AREL1: variants seen among roughly 807,000 people sequenced by gnomAD.
AREL1 encodes apoptosis-resistant E3 ubiquitin protein ligase 1.
Under a neutral mutation model 99.0 loss-of-function variants are expected in AREL1, and 62 were observed. The observed-to-expected ratio is 0.63, with a 90% CI of 0.51 to 0.77. The LOEUF is 0.77. AREL1 is among the 30% of genes least tolerant of loss of function. The pLI is 0.00. For synonymous variants in AREL1, 380 were observed against 376.5 expected (o/e 1.01, Z -0.11); for missense variants, 879 against 1,027.6 (o/e 0.86, Z 1.98).
At chr14:74,669,869 T>C in intron 14 of AREL1, 78 bp downstream of exon 14, 1 of 1,580,730 alleles carries the variant, frequency 6.3e-7, no homozygotes, top group Non-Finnish European at 8.6e-7. Context: ...CCTTAAAAAT[T>C]ATTTACAAGC....
rs769198582 is a variant in AREL1 at position 74,683,492 on chromosome 14, A to G, written c.285T>C (p.Pro95=). Residue 95 remains proline, a synonymous_variant, in exon 5 of 20, where the codon CCT becomes CCC. Coordinates refer to ENST00000356357, the MANE Select transcript of AREL1 (RefSeq NM_001039479.2). ...GAGAGATGTGAACTCTTAGTCCCAC[A>G]GGCCGATGTGCAGGGAAAGGCTGCC... is the stretch of plus-strand genomic sequence containing the variant. ...KNGQPFPAHR[P]VGLRVHISHV... The G allele has an allele frequency of 1.9e-6, 3 of 1,614,174 alleles. No individual in the cohort carries two copies. Among genetic ancestry groups the G allele is most frequent in the Non-Finnish European group, 2.5e-6 (3 of 1,180,026 alleles).
chr14:74,672,885 T>C lies in AREL1; in HGVS notation c.1368A>G (p.Lys456=). The change falls in exon 11 of 20, where the codon AAA becomes AAG. Residue 456 remains lysine, a synonymous_variant. Coordinates refer to ENST00000356357, the MANE Select transcript of AREL1 (RefSeq NM_001039479.2). ...FQRELRQVHM[K]RPHSKVTLKV... ...TCAGGGTGACTTTGGAATGTGGTCT[T>C]TTCATATGTACCTGCCGAAGCTCTC... 2 of 1,614,224 alleles carry C rather than the reference T, an allele frequency of 1.2e-6. No homozygotes were observed. The highest frequency in any genetic ancestry group is 1.7e-6 in the Non-Finnish European group (2 of 1,180,034).
intron 11 of AREL1, among the ~76,000 whole-genome samples, chr14:74,671,756 A>G (rs1367738589): frequency 2.0e-5 from 3 of 152,174 alleles, no homozygotes; most frequent in African/African-American, 7.2e-5. Context: ...TTTGTTTTAA[A>G]CAATCCTTGT....
chr14:74,670,681 T>C, intron 13 of AREL1, 81 bp downstream of exon 13: 1 of 1,194,186 alleles, frequency 8.4e-7, no homozygotes, highest in Admixed American at 1.9e-5. Flanking sequence ...GGTTCCCAGA[T>C]CAGTTTCATA....
intron 1 of AREL1, among the ~76,000 whole-genome samples, chr14:74,709,940 T>C (rs935248596): frequency 6.6e-6 from 1 of 152,250 alleles, no homozygotes; most frequent in Non-Finnish European, 1.5e-5. Flanking sequence ...AGCCCAATTA[T>C]GTGTTCAAAC....
At chr14:74,691,694 T>G (rs529788757) in intron 2 of AREL1, among the ~76,000 whole-genome samples, 2 of 152,336 alleles carry the variant, frequency 1.3e-5, no homozygotes, top group Admixed American at 1.3e-4. Flanking sequence ...TCACATTACC[T>G]ACCAAAGGGG....
intron 9 of AREL1, 95 bp downstream of exon 9, chr14:74,673,939 G>T: frequency 9.3e-7 from 1 of 1,076,850 alleles, no homozygotes; most frequent in Non-Finnish European, 1.4e-6. Context: ...AGATCTTGCA[G>T]AAACACTAAA....
intron 5 of AREL1, among the ~76,000 whole-genome samples, chr14:74,682,236 T>C (rs1325197770): frequency 6.6e-6 from 1 of 152,066 alleles, no homozygotes; most frequent in African/African-American, 2.4e-5. Context: ...TAAGGACTAG[T>C]CAAGCAAAGA....
chr14:74,668,828 G>A (rs368573336), intron 15 of AREL1, among the ~76,000 whole-genome samples: 32 of 152,306 alleles, frequency 2.1e-4, no homozygotes, highest in African/African-American at 7.7e-4. Flanking sequence ...AATGTAAATA[G>A]AAGCACATGC....
chr14:74,702,855 C>A (rs1266720262), intron 1 of AREL1, among the ~76,000 whole-genome samples: 1 of 152,176 alleles, frequency 6.6e-6, no homozygotes, highest in East Asian at 1.9e-4. Context: ...CTTGCTAAAG[C>A]ATAACAAGAG....
At chr14:74,664,218 C>T (rs1349484071) in intron 18 of AREL1, 144 bp from the exon 19 acceptor site, 9 of 910,490 alleles carry the variant, frequency 9.9e-6, no homozygotes, top group Admixed American at 2.9e-5. Context: ...GTTTGACAAG[C>T]ACTTCAAGAA....
intron 2 of AREL1, among the ~76,000 whole-genome samples, chr14:74,690,433 C>A (rs2089853077): frequency 6.6e-6 from 1 of 152,154 alleles, no homozygotes; most frequent in Non-Finnish European, 1.5e-5. Flanking sequence ...GAAAGGATTT[C>A]TCTAACAGTA....
chr14:74,706,433 A>C (rs964290116), intron 1 of AREL1, among the ~76,000 whole-genome samples: 5 of 152,208 alleles, frequency 3.3e-5, no homozygotes, highest in African/African-American at 1.2e-4. Flanking sequence ...TAAGGAAAAT[A>C]AATTATTTAT....
chr14:74,664,914 A>G lies in AREL1; in HGVS notation c.2115T>C (p.Cys705=). ...CAGACACACTGATGTCTCCAGTCCC[A>G]CACATCAGCAGCTGGAAAAAGATGG... ...FDENELELLM[C]GTGDISVSDF... is the part of the protein sequence containing the mutation. The change falls in exon 18 of 20, where the codon TGT becomes TGC. Residue 705 remains cysteine (C), a synonymous_variant. Transcript: ENST00000356357. 3.7e-6 allele frequency: 6 copies of G among 1,613,404 alleles called. No individual in the cohort carries two copies. In the Middle Eastern group the frequency reaches 8.3e-4, roughly 222 times the overall value.
chr14:74,688,696 A>C (rs1020384106), intron 2 of AREL1, among the ~76,000 whole-genome samples: 5 of 152,136 alleles, frequency 3.3e-5, no homozygotes, highest in Admixed American at 6.5e-5. Flanking sequence ...AACAGCTCTC[A>C]AACCACTCCC....
chr14:74,689,231 G>A (rs928474555), intron 2 of AREL1, among the ~76,000 whole-genome samples: 46 of 151,870 alleles, frequency 3.0e-4, no homozygotes, highest in Non-Finnish European at 5.4e-4. Context: ...AGCATGTTCC[G>A]ACCCTGTTGG....
chr14:74,670,421 C>T (rs2089308250), intron 13 of AREL1, among the ~76,000 whole-genome samples: 1 of 152,186 alleles, frequency 6.6e-6, no homozygotes, highest in African/African-American at 2.4e-5. Context: ...TACTTCTCTA[C>T]TCCTGACACC....
chr14:74,670,112 A>T lies in AREL1; in HGVS notation c.1623T>A (p.Pro541=), dbSNP rs1402170472. The part of the protein sequence containing the change: ...DNNQALVHPN[P]NRPAHLRLKM... ...TCAGGCGCAGATGAGCGGGGCGATT[A>T]GGGTTGGGATGCACCTGTCCAAGAA... Residue 541 remains proline (P), a synonymous_variant, in exon 14 of 20, where the codon CCT becomes CCA. Coordinates refer to ENST00000356357, the MANE Select transcript of AREL1 (RefSeq NM_001039479.2). The T allele has an allele frequency of 1.2e-6, 2 of 1,609,182 alleles. No homozygotes were observed. The highest frequency in any genetic ancestry group is 2.2e-5 in the South Asian group (2 of 90,524).
At position 74,692,153 on chromosome 14, in the gene AREL1, G is replaced by A. The variant is rs545921243; in HGVS notation, c.-158C>T. 39 of 443,288 alleles carry A rather than the reference G, an allele frequency of 8.8e-5. 1 individual carries two copies. The highest frequency in any genetic ancestry group is 5.5e-4 in the South Asian group (34 of 61,690). The allele number at this position is 443,288 out of a possible 1,614,324, so 27.5% of individuals were successfully genotyped here. ...TCCAACTTCCACATGAAAGAAAAAC[G>A]CCACAAGGTCAACAGAAAGGGTCTA... On this transcript the variant is annotated 5_prime_UTR_variant, in exon 2 of 20. Coordinates refer to ENST00000356357, the MANE Select transcript of AREL1 (RefSeq NM_001039479.2).
Sources: gnomAD v4.1 joint callset for allele counts (sites outside exome capture counted in the v4.1 genomes callset) on GRCh38, gnomAD v4.1.1 for gene constraint, MANE v1.5 for transcripts, NCBI Gene and HGNC (gene_info 2026-07-23, HGNC 2026-07-21) for gene names.